The following DCT variants were observed in gnomAD, a reference collection of about 807,000 sequenced individuals.
DCT encodes the protein L-dopachrome tautomerase.
DCT carries 47 observed loss-of-function variants against 53.0 expected under a neutral mutation model. The ratio of observed to expected loss-of-function variants is 0.89; its 90% CI spans 0.70 to 1.13. The LOEUF (loss-of-function observed/expected upper bound fraction) is 1.13, where lower values mean the gene tolerates loss of function less well. Among genes scored for constraint, DCT ranks in the 50% most tolerant of loss-of-function variants. The probability of loss-of-function intolerance (pLI) is 0.00; values close to 1 mark genes in which losing one functional copy is unlikely to be tolerated. For synonymous variants in DCT, 244 were observed against 237.0 expected (o/e 1.03, Z -0.27); for missense variants, 669 against 637.4 (o/e 1.05, Z -0.53).
At chr13:94,534,182 A>G in the DCT span, among the ~76,000 whole-genome samples, 1 of 151,640 alleles carries the variant, frequency 6.6e-6, no homozygotes, top group Non-Finnish European at 1.5e-5. Context: ...AAATTAAATA[A>G]CCTATTAATT....
chr13:94,477,033 A>G (rs1046134253), intron 1 of DCT, among the ~76,000 whole-genome samples: 1 of 152,206 alleles, frequency 6.6e-6, no homozygotes, highest in Non-Finnish European at 1.5e-5. Flanking sequence ...GGACCTAGAT[A>G]TTCTTCTGAA....
At chr13:94,465,992 ATATATATATATATATATATATAT>A (rs1399624047) in intron 3 of DCT, among the ~76,000 whole-genome samples, 193 bp from the exon 4 acceptor site, 3 of 35,874 alleles carry the variant, frequency 8.4e-5, no homozygotes, top group South Asian at 2.0e-3. Context: ...ATATATATAT[ATATATATATATATATATATATAT>A]ATATATATAC....
At chr13:94,457,474 GA>G (rs1343641818) in intron 6 of DCT, among the ~76,000 whole-genome samples, 3 of 152,196 alleles carry the variant, frequency 2.0e-5, no homozygotes, top group African/African-American at 7.2e-5. Flanking sequence ...CTGGCCTCTA[GA>G]ACTGTGGGAT....
At chr13:94,547,962 CAAA>C in the DCT span, among the ~76,000 whole-genome samples, 76 of 67,890 alleles carry the variant, frequency 1.1e-3, 1 homozygote, top group Middle Eastern at 8.2e-3. Context: ...AACTCCGTCT[CAAA>C]AAAAAAAAAA....
the DCT span, among the ~76,000 whole-genome samples, chr13:94,512,330 A>T: frequency 6.6e-6 from 1 of 152,228 alleles, no homozygotes; most frequent in Non-Finnish European, 1.5e-5. Context: ...CACAAGACAC[A>T]CTAAGAAGCA....
chr13:94,487,659 C>T, the DCT span, among the ~76,000 whole-genome samples: 1 of 152,166 alleles, frequency 6.6e-6, no homozygotes, highest in Non-Finnish European at 1.5e-5. Context: ...CTCCTGCTTG[C>T]CAACGAGTTG....
chr13:94,529,888 C>T, the DCT span, among the ~76,000 whole-genome samples: 2 of 152,022 alleles, frequency 1.3e-5, no homozygotes, highest in Non-Finnish European at 2.9e-5. Flanking sequence ...ATTGATAGAC[C>T]ACTAGCAAGA....
intron 6 of DCT, among the ~76,000 whole-genome samples, chr13:94,450,560 C>A (rs1188640889): frequency 6.6e-6 from 1 of 151,886 alleles, no homozygotes. Flanking sequence ...ACATTGTATA[C>A]AAGCTCTAAC....
the DCT span, among the ~76,000 whole-genome samples, chr13:94,501,377 T>C: frequency 6.6e-6 from 1 of 152,226 alleles, no homozygotes; most frequent in Non-Finnish European, 1.5e-5. Flanking sequence ...GTGTTCATAA[T>C]ACCTCTCTCT....
chr13:94,471,353 T>C (rs1248451602), intron 1 of DCT, among the ~76,000 whole-genome samples: 3 of 152,212 alleles, frequency 2.0e-5, no homozygotes, highest in Non-Finnish European at 2.9e-5. Context: ...TATCTGTATT[T>C]TTCTTTTACA....
At chr13:94,542,772 G>A in the DCT span, among the ~76,000 whole-genome samples, 1 of 152,130 alleles carries the variant, frequency 6.6e-6, no homozygotes, top group East Asian at 1.9e-4. Flanking sequence ...GTTAAACAAG[G>A]GTGTCCAGGC....
Position 94,464,525 on chromosome 13 carries a change from G to A in DCT, c.863+1108C>T, listed in dbSNP as rs549800298. Among the ~76,000 whole-genome samples the A allele has an allele frequency of 1.8e-3, 268 of 151,918 alleles. 1 individual carries two copies. The highest frequency in any genetic ancestry group is 5.8e-3 in the African/African-American group (240 of 41,446). Reference sequence around the variant, plus strand: ...CGTGGTTGCGCATGCCTGTAATCCCGGCTACTCAGGAGGCTGAGGCAGGAG... The same window carrying A: ...CGTGGTTGCGCATGCCTGTAATCCCAGCTACTCAGGAGGCTGAGGCAGGAG... On this transcript the variant is annotated intron_variant, in intron 4 of 7. Transcript: ENST00000377028.
chr13:94,480,471 T>C (rs1566870771), upstream of DCT, among the ~76,000 whole-genome samples: 1 of 152,162 alleles, frequency 6.6e-6, no homozygotes, highest in Non-Finnish European at 1.5e-5. Flanking sequence ...AAACAGGACT[T>C]AGTGCCACAA....
chr13:94,530,556 A>G, the DCT span, among the ~76,000 whole-genome samples: 3,986 of 152,348 alleles, frequency 0.026, 102 homozygotes, highest in African/African-American at 0.053. Context: ...TTATCTCAAT[A>G]GATGCAGAAA....
the DCT span, among the ~76,000 whole-genome samples, chr13:94,527,274 A>G: frequency 6.6e-6 from 1 of 152,230 alleles, no homozygotes; most frequent in Non-Finnish European, 1.5e-5. Context: ...TGAAGAGAGC[A>G]GTGGTTCTCT....
chr13:94,462,070 C>T lies in DCT; in HGVS notation c.983G>A (p.Cys328Tyr), dbSNP rs1023580929. 1 of 1,613,104 alleles carries T rather than the reference C, an allele frequency of 6.2e-7. No individual in the cohort carries two copies. The highest frequency in any genetic ancestry group is 1.7e-5 in the Admixed American group (1 of 59,808). Residue 328 changes from cysteine (C) to tyrosine (Y), a missense_variant, in exon 5 of 8, where the codon TGC (cysteine) becomes TAC (tyrosine). Physicochemically the swap from Cys to Tyr is radical, Grantham distance 194 (BLOSUM62 -2). Coordinates refer to ENST00000377028, the MANE Select transcript of DCT (RefSeq NM_001922.5). ...ATTGTCAAACTTCTGGAGAGACAGG[C>T]AATCTCGTATGTCTTTTAAGGTTGG... ...KLPTLKDIRD[C>Y]LSLQKFDNPP...
chr13:94,457,332 G>C (rs1266818109), intron 6 of DCT, among the ~76,000 whole-genome samples: 1 of 152,146 alleles, frequency 6.6e-6, no homozygotes, highest in African/African-American at 2.4e-5. Context: ...CCCTGGATTA[G>C]TGTTATCATA....
chr13:94,526,452 C>T, the DCT span, among the ~76,000 whole-genome samples: 1 of 152,076 alleles, frequency 6.6e-6, no homozygotes, highest in Non-Finnish European at 1.5e-5. Context: ...CTGGGCAACA[C>T]AGCAAGACCC....
At position 94,438,641 on chromosome 13, in the gene DCT, T is replaced by A. The variant is rs1471124196; in HGVS notation, c.*1257A>T. On this transcript the variant is annotated 3_prime_UTR_variant, in exon 8 of 8. Transcript: ENST00000377028. ...CAGATATGAGCAGATGAAATTTGCC[T>A]GGAAATCTCAAGAGCCATTAACTTC... 2 of 455,896 alleles carry A rather than the reference T, an allele frequency of 4.4e-6. No individual in the cohort carries two copies. The highest frequency in any genetic ancestry group is 8.8e-6 in the Non-Finnish European group (2 of 226,778). 28.2% of individuals were successfully genotyped at this position (455,896 alleles called of 1,614,324 possible). A position where few individuals can be genotyped will look rare whatever the true frequency, so the allele number is the denominator to read the frequency against.
Sources: gnomAD v4.1 joint callset for allele counts (sites outside exome capture counted in the v4.1 genomes callset) on GRCh38, gnomAD v4.1.1 for gene constraint, MANE v1.5 for transcripts, NCBI Gene and HGNC (gene_info 2026-07-23, HGNC 2026-07-21) for gene names.